The following CATSPERT variants were observed in gnomAD, a reference collection of about 807,000 sequenced individuals.
The protein encoded by CATSPERT is catsper channel auxiliary subunit tau.
At chr2:201,611,707 A>AC in the CATSPERT span, among the ~76,000 whole-genome samples, 1 of 151,910 alleles carries the variant, frequency 6.6e-6, no homozygotes, top group Admixed American at 6.6e-5. Context: ...CAAAAAAAAA[A>AC]CAACTGTTGA....
the CATSPERT span, among the ~76,000 whole-genome samples, chr2:201,562,506 A>C: frequency 3.0e-3 from 337 of 113,836 alleles, 1 homozygote; most frequent in South Asian, 4.4e-3. Context: ...ATAATTCTTT[A>C]TTTATTTATT....
At chr2:201,511,654 T>A in the CATSPERT span, 2 of 151,946 alleles carry the variant, frequency 1.3e-5, no homozygotes, top group Non-Finnish European at 2.9e-5. Flanking sequence ...TAAAAGCTAA[T>A]TAAGCTATAT....
At chr2:201,562,522 A>AT in the CATSPERT span, among the ~76,000 whole-genome samples, 38 of 113,336 alleles carry the variant, frequency 3.4e-4, 1 homozygote, top group Admixed American at 1.6e-3. Context: ...TTATTTATTT[A>AT]TTTATTTTTT....
chr2:201,521,583 C>T, the CATSPERT span, among the ~76,000 whole-genome samples: 1 of 152,178 alleles, frequency 6.6e-6, no homozygotes, highest in African/African-American at 2.4e-5. Flanking sequence ...GTCCCCTTAT[C>T]CAATTTGACA....
the CATSPERT span, among the ~76,000 whole-genome samples, chr2:201,539,337 T>C: frequency 5.7e-4 from 87 of 152,238 alleles, 1 homozygote; most frequent in East Asian, 0.016. Flanking sequence ...TGTTATTTTT[T>C]GACTTTTTAA....
the CATSPERT span, among the ~76,000 whole-genome samples, chr2:201,603,006 C>T: frequency 6.6e-6 from 1 of 152,154 alleles, no homozygotes; most frequent in Non-Finnish European, 1.5e-5. Flanking sequence ...TGTAAATGGG[C>T]CACTTCAGAT....
At chr2:201,535,125 T>G in the CATSPERT span, 1 of 981,252 alleles carries the variant, frequency 1.0e-6, no homozygotes, top group African/African-American at 1.7e-5. Flanking sequence ...GAATGTTATT[T>G]GACATAGGTA....
the CATSPERT span, among the ~76,000 whole-genome samples, chr2:201,524,129 A>G: frequency 6.6e-6 from 1 of 152,062 alleles, no homozygotes; most frequent in Admixed American, 6.6e-5. Context: ...TATCCCCATC[A>G]CCAAGACATA....
the CATSPERT span, among the ~76,000 whole-genome samples, chr2:201,558,762 G>A: frequency 6.6e-6 from 1 of 152,160 alleles, no homozygotes; most frequent in Non-Finnish European, 1.5e-5. Context: ...GAGCCAAGCT[G>A]CTACAGCACA....
the CATSPERT span, among the ~76,000 whole-genome samples, chr2:201,559,636 C>G: frequency 1.3e-5 from 2 of 152,200 alleles, no homozygotes; most frequent in African/African-American, 4.8e-5. Context: ...CTCTCTCAGC[C>G]TAGGCTACTG....
the CATSPERT span, among the ~76,000 whole-genome samples, chr2:201,497,412 G>T: frequency 6.6e-6 from 1 of 151,930 alleles, no homozygotes; most frequent in Non-Finnish European, 1.5e-5. Context: ...CACAGTTTAC[G>T]TTATAACATT....
the CATSPERT span, chr2:201,494,100 A>C: frequency 6.5e-7 from 1 of 1,534,466 alleles, no homozygotes; most frequent in African/African-American, 1.4e-5. Context: ...TTTGACTTAA[A>C]GTAGTCTTTG....
At chr2:201,550,525 T>C in the CATSPERT span, 1 of 152,136 alleles carries the variant, frequency 6.6e-6, no homozygotes, top group African/African-American at 2.4e-5. Flanking sequence ...AAAAAGTGAA[T>C]GAAAATTTAT....
At chr2:201,534,420 G>A in the CATSPERT span, 2 of 984,504 alleles carry the variant, frequency 2.0e-6, no homozygotes, top group South Asian at 9.4e-5. Flanking sequence ...TGAATATTTT[G>A]GAAGTCAGAC....
the CATSPERT span, among the ~76,000 whole-genome samples, chr2:201,504,319 C>G: frequency 6.6e-6 from 1 of 152,226 alleles, no homozygotes; most frequent in Admixed American, 6.5e-5. Flanking sequence ...CTGTAGTGAA[C>G]TCTTCAATTT....
chr2:201,619,100 A>G, the CATSPERT span: 1 of 1,614,144 alleles, frequency 6.2e-7, no homozygotes, highest in Non-Finnish European at 8.5e-7. Context: ...AGTGTGCTGA[A>G]AGGCCTATTT....
chr2:201,503,332 A>G, the CATSPERT span, among the ~76,000 whole-genome samples: 1 of 152,152 alleles, frequency 6.6e-6, no homozygotes, highest in East Asian at 1.9e-4. Flanking sequence ...GGCTCAAATG[A>G]TCTTCCTGCT....
At chr2:201,541,303 T>A in the CATSPERT span, among the ~76,000 whole-genome samples, 1 of 151,904 alleles carries the variant, frequency 6.6e-6, no homozygotes, top group Non-Finnish European at 1.5e-5. Context: ...TGAAAGAAGT[T>A]CTACTGTGGG....
At chr2:201,595,282 G>A in the CATSPERT span, among the ~76,000 whole-genome samples, 70 of 150,786 alleles carry the variant, frequency 4.6e-4, no homozygotes, top group Non-Finnish European at 6.6e-4. Flanking sequence ...TCCGCCTCCC[G>A]GGTTCACGCC....
Sources: allele counts gnomAD v4.1 joint callset (sites outside exome capture counted in the v4.1 genomes callset), GRCh38; gene constraint gnomAD v4.1.1; transcripts MANE v1.5; gene names NCBI Gene and HGNC (gene_info 2026-07-23, HGNC 2026-07-21).